SMAD9: variants seen among roughly 807,000 people sequenced by gnomAD.
SMAD9 encodes SMAD family member 9.
Under a neutral mutation model 46.1 loss-of-function variants are expected in SMAD9, and 36 were observed. That is an observed-to-expected ratio of 0.78 (90% CI 0.60 to 1.03). The LOEUF is 1.03. Among genes scored for constraint, SMAD9 ranks in the 50% least tolerant of loss-of-function variants. SMAD9 has a pLI of 0.00. For missense variants in SMAD9, 572 were observed against 599.8 expected, an observed-to-expected ratio of 0.95 and a Z score of 0.48; for synonymous variants, 245 against 237.1, an observed-to-expected ratio of 1.03 and a Z score of -0.31.
chr13:36,892,546 A>C (rs1240495533), intron 1 of SMAD9, among the ~76,000 whole-genome samples: 1 of 152,218 alleles, frequency 6.6e-6, no homozygotes, highest in African/African-American at 2.4e-5. Flanking sequence ...CTGCTTGTAT[A>C]AATTTAACCA....
rs373879785 is a variant in SMAD9, at chr13:36,897,703, ACT to A, written c.-186-17830_-186-17829del. Among the ~76,000 whole-genome samples, 104 of 151,866 alleles carry A rather than the reference ACT, an allele frequency of 6.8e-4. 2 individuals carry two copies. Among genetic ancestry groups the A allele is most frequent in the African/African-American group, 2.4e-3 (101 of 41,392 alleles). On this transcript the variant is annotated intron_variant, in intron 1 of 6. Transcript: ENST00000379826. ...TTTTTTTTGAAAACTGCTAATGAAA[ACT>A]CTTACTTGATTGGGTAAAAAAGGTA... is the stretch of plus-strand genomic sequence containing the variant.
intron 1 of SMAD9, among the ~76,000 whole-genome samples, chr13:36,886,778 G>A (rs543041330): frequency 1.3e-5 from 2 of 152,352 alleles, no homozygotes; most frequent in South Asian, 2.1e-4. Flanking sequence ...GTGACAATGA[G>A]ATCAAGAGGA....
Position 36,848,685 on chromosome 13 carries a change from T to C in SMAD9, c.1395A>G (p.Ser465=). ...GCTTAAGACATGACTGTTAAGACAC[T>C]GAAGAAATGGGGTTATGTGGAGAGC... is the stretch of plus-strand genomic sequence containing the variant. ...QMGSPHNPIS[S]VS is the part of the protein sequence containing the mutation. Residue 465 remains serine (S), a synonymous_variant, in exon 7 of 7, where the codon TCA becomes TCG. Coordinates refer to ENST00000379826, the MANE Select transcript of SMAD9 (RefSeq NM_001127217.3). The C allele has an allele frequency of 6.2e-7, 1 of 1,614,126 alleles. No homozygotes were observed. Among genetic ancestry groups the C allele is most frequent in the Non-Finnish European group, 8.5e-7 (1 of 1,179,986 alleles).
At chr13:36,887,939 T>C (rs2058460862) in intron 1 of SMAD9, among the ~76,000 whole-genome samples, 1 of 151,944 alleles carries the variant, frequency 6.6e-6, no homozygotes, top group Admixed American at 6.6e-5. Context: ...AGGTAGGAAG[T>C]AGCCACAGTG....
intron 4 of SMAD9, among the ~76,000 whole-genome samples, chr13:36,866,191 T>A (rs560048436): frequency 6.6e-6 from 1 of 152,266 alleles, no homozygotes; most frequent in African/African-American, 2.4e-5. Context: ...GCAAAAAGTA[T>A]CATTTTCTAA....
chr13:36,896,201 C>T (rs1450570159), intron 1 of SMAD9, among the ~76,000 whole-genome samples: 2 of 151,976 alleles, frequency 1.3e-5, no homozygotes, highest in African/African-American at 2.4e-5. Context: ...GGCACGATCT[C>T]GGCTCACTGC....
chr13:36,872,870 T>C lies in SMAD9; in HGVS notation c.458A>G (p.Gln153Arg). The change falls in exon 3 of 7, where the codon CAG becomes CGG. Residue 153 changes from glutamine (Q) to arginine (R), a missense_variant. Gln to Arg is a conservative substitution (Grantham distance 43). Coordinates refer to ENST00000379826, the MANE Select transcript of SMAD9 (RefSeq NM_001127217.3). ...GCGGAACTTGGCCAGGAGGCTGAGC[T>C]GGGGGTTATATTCACTGTGTCTTGG... ...LVPRHSEYNP[Q>R]LSLLAKFRSA... The C allele has an allele frequency of 6.2e-7, 1 of 1,614,060 alleles. No homozygotes were observed. Among genetic ancestry groups the C allele is most frequent in the Non-Finnish European group, 8.5e-7 (1 of 1,179,998 alleles).
At chr13:36,919,236 G>A (rs1345042094) in intron 1 of SMAD9, among the ~76,000 whole-genome samples, 2 of 152,112 alleles carry the variant, frequency 1.3e-5, no homozygotes, top group African/African-American at 2.4e-5. Flanking sequence ...GAATAGTAAC[G>A]GGAAAACTTG....
intron 1 of SMAD9, among the ~76,000 whole-genome samples, chr13:36,897,345 T>G (rs1268499321): frequency 6.6e-6 from 1 of 152,214 alleles, no homozygotes; most frequent in Non-Finnish European, 1.5e-5. Context: ...TAGTTTGAAT[T>G]TTTAAAGAGA....
At chr13:36,896,281 T>C (rs1448667390) in intron 1 of SMAD9, among the ~76,000 whole-genome samples, 1 of 151,878 alleles carries the variant, frequency 6.6e-6, no homozygotes, top group African/African-American at 2.4e-5. Context: ...TATAGGCACA[T>C]GCCACCATGC....
intron 5 of SMAD9, among the ~76,000 whole-genome samples, chr13:36,860,377 T>C (rs1237265692): frequency 2.0e-5 from 3 of 151,820 alleles, no homozygotes; most frequent in Non-Finnish European, 4.4e-5. Flanking sequence ...ACGCTTGATC[T>C]ATCTCAGAAA....
chr13:36,920,010 C>T (rs1446749727), intron 1 of SMAD9, 106 bp downstream of exon 1: 1 of 150,538 alleles, frequency 6.6e-6, no homozygotes, highest in Non-Finnish European at 1.5e-5. Flanking sequence ...GCACGTCTTA[C>T]CTGTCCCCGC....
Position 36,865,636 on chromosome 13 carries a change from T to C in SMAD9, c.904A>G (p.Thr302Ala). 1.2e-6 allele frequency: 2 copies of C among 1,614,166 alleles called. No homozygotes were observed. Among genetic ancestry groups the C allele is most frequent in the Non-Finnish European group, 1.7e-6 (2 of 1,179,978 alleles). ...SSRSVLIDGF[T>A]DPSNNRNRFC... is the part of the protein sequence containing the mutation. ...CTGTTCCTGTTATTTGAAGGGTCGG[T>C]GAACCCATCTATGAGCACACTTCGG... The change falls in exon 5 of 7, where the codon ACC (threonine) becomes GCC (alanine). Residue 302 changes from threonine to alanine, a missense_variant. Physicochemically the swap from Thr to Ala is moderately conservative, Grantham distance 58. Transcript: ENST00000379826.
chr13:36,892,760 T>C (rs921591610), intron 1 of SMAD9, among the ~76,000 whole-genome samples: 1 of 152,162 alleles, frequency 6.6e-6, no homozygotes, highest in African/African-American at 2.4e-5. Context: ...ATAGCTGTAA[T>C]CTTGAGCAGC....
Position 36,890,949 on chromosome 13 carries a change from G to A in SMAD9, c.-186-11074C>T, listed in dbSNP as rs560853568. On this transcript the variant is annotated intron_variant, in intron 1 of 6. Transcript: ENST00000379826. The stretch of plus-strand genomic sequence containing the variant: ...GACTACAGAGCATGTTCTTCAAAAC[G>A]TTCCCTATTTTTCATTCAGAATCTC... Among the ~76,000 whole-genome samples, 59 of 152,214 alleles carry A rather than the reference G, an allele frequency of 3.9e-4. 1 individual carries two copies. The South Asian group carries it at 8.5e-3, about 22-fold the overall frequency.
intron 1 of SMAD9, among the ~76,000 whole-genome samples, chr13:36,895,713 C>T (rs1442539357): frequency 2.0e-5 from 3 of 152,076 alleles, no homozygotes; most frequent in Admixed American, 1.3e-4. Flanking sequence ...AATGGCTGCA[C>T]ACAGATTAAG....
chr13:36,910,353 G>C lies in SMAD9; in HGVS notation c.-187+9763C>G, dbSNP rs150243268. On this transcript the variant is annotated intron_variant, in intron 1 of 6. Coordinates refer to ENST00000379826, the MANE Select transcript of SMAD9 (RefSeq NM_001127217.3). ...AAACACAGACCACAGAGAATTTGCA[G>C]GGCAATGAGACGACTCTGCCTGATA... 8.6e-4 allele frequency among the ~76,000 whole-genome samples: 131 copies of C among 152,188 alleles called. 1 individual carries two copies. Among genetic ancestry groups the C allele is most frequent in the African/African-American group, 2.9e-3 (121 of 41,524 alleles).
intron 1 of SMAD9, among the ~76,000 whole-genome samples, chr13:36,882,373 ACTGT>A (rs913790116): frequency 6.6e-6 from 1 of 152,088 alleles, no homozygotes; most frequent in African/African-American, 2.4e-5. Context: ...TTTTCTTCAA[ACTGT>A]CTGTCTGAGG....
intron 6 of SMAD9, among the ~76,000 whole-genome samples, chr13:36,851,160 C>G (rs1015391945): frequency 6.6e-5 from 10 of 152,222 alleles, no homozygotes; most frequent in African/African-American, 2.4e-4. Flanking sequence ...CACCTCCTTA[C>G]AGTCACCGCT....
Sources: allele counts gnomAD v4.1 joint callset (sites outside exome capture counted in the v4.1 genomes callset), GRCh38; gene constraint gnomAD v4.1.1; transcripts MANE v1.5; gene names NCBI Gene and HGNC (gene_info 2026-07-23, HGNC 2026-07-21).